Variants in MRTFB observed in about 807,000 individuals in gnomAD.
MRTFB encodes the protein myocardin-related transcription factor B.
A neutral mutation model predicts 104.2 loss-of-function variants in MRTFB; 29 were observed. The observed-to-expected ratio is 0.28, with a 90% CI of 0.21 to 0.38. The LOEUF (loss-of-function observed/expected upper bound fraction) is 0.38. Among genes scored for constraint, MRTFB ranks in the 10% least tolerant of loss-of-function variants. MRTFB has a pLI of 1.00. For missense variants in MRTFB, 1,270 were observed against 1,341.6 expected (o/e 0.95, Z 0.83); for synonymous variants, 535 against 519.5 (o/e 1.03, Z -0.41).
At chr16:14,183,207 G>C (rs2039827042) in intron 3 of MRTFB, among the ~76,000 whole-genome samples, 1 of 151,986 alleles carries the variant, frequency 6.6e-6, no homozygotes, top group South Asian at 2.1e-4. Context: ...ATTATTTCTG[G>C]GGTATTCCTG....
chr16:14,238,687 T>C (rs2042631754), intron 9 of MRTFB, among the ~76,000 whole-genome samples: 1 of 152,158 alleles, frequency 6.6e-6, no homozygotes, highest in African/African-American at 2.4e-5. Context: ...ACTAAAGTTA[T>C]GTTGAAGAAA....
intron 3 of MRTFB, among the ~76,000 whole-genome samples, chr16:14,209,460 T>A (rs1451052378): frequency 2.0e-5 from 3 of 152,214 alleles, no homozygotes; most frequent in African/African-American, 7.2e-5. Flanking sequence ...ACCTCCTGTA[T>A]TCCCCTTATT....
chr16:14,178,750 G>T (rs1304536982), intron 3 of MRTFB, among the ~76,000 whole-genome samples: 1 of 151,814 alleles, frequency 6.6e-6, no homozygotes, highest in Non-Finnish European at 1.5e-5. Context: ...GGTTTTTTTT[G>T]TTTGTTTTTT....
intron 3 of MRTFB, chr16:14,186,906 C>G (rs770674016): frequency 6.3e-7 from 1 of 1,598,176 alleles, no homozygotes; most frequent in South Asian, 1.1e-5. Context: ...TCTTCAGAAG[C>G]CTCTCACCAT....
At chr16:14,245,065 C>T (rs2042953534) in intron 10 of MRTFB, among the ~76,000 whole-genome samples, 1 of 152,184 alleles carries the variant, frequency 6.6e-6, no homozygotes, top group South Asian at 2.1e-4. Context: ...TAGCATGGCA[C>T]CATTGAAGTC....
the MRTFB span, among the ~76,000 whole-genome samples, chr16:13,998,742 C>A: frequency 1.6e-4 from 24 of 150,976 alleles, no homozygotes; most frequent in East Asian, 4.3e-3. Flanking sequence ...GGAGGAGGAA[C>A]AAGGAGAAGG....
At chr16:14,060,218 G>A in the MRTFB span, among the ~76,000 whole-genome samples, 1 of 151,824 alleles carries the variant, frequency 6.6e-6, no homozygotes, top group Non-Finnish European at 1.5e-5. Context: ...TGTTGGCCAG[G>A]CTGGTCTCGA....
chr16:14,260,959 C>T lies in MRTFB; in HGVS notation c.2815C>T (p.Pro939Ser). 1 of 1,613,956 alleles carries T rather than the reference C, an allele frequency of 6.2e-7. No individual in the cohort carries two copies. Among genetic ancestry groups the T allele is most frequent in the Non-Finnish European group, 8.5e-7 (1 of 1,179,906 alleles). Residue 939 changes from proline to serine, a missense_variant, in exon 17 of 17, where the codon CCA becomes TCA. Around this residue, in one of 3 missense-constraint regions of MRTFB, gnomAD observed 1,144 missense variants for 1,131.5 expected, o/e 1.01. Coordinates refer to ENST00000571589, the MANE Select transcript of MRTFB (RefSeq NM_001308142.2). ...EEPSPISKMR[P>S]VTASITTMPV... ...ACCTTCTCCTATTTCCAAAATGAGA[C>T]CAGTGACAGCCAGCATCACCACAAT... is the stretch of plus-strand genomic sequence containing the variant.
intron 2 of MRTFB, among the ~76,000 whole-genome samples, chr16:14,118,862 G>A (rs78135819): frequency 0.026 from 4,025 of 152,010 alleles, 187 homozygotes; most frequent in African/African-American, 0.092. Context: ...ATATATTTCT[G>A]TGGCTTGCTT....
chr16:14,245,442 C>A, intron 10 of MRTFB, 86 bp from the exon 11 acceptor site: 2 of 1,193,812 alleles, frequency 1.7e-6, no homozygotes, highest in Non-Finnish European at 1.2e-6. Flanking sequence ...TTTTTCTCTT[C>A]ATAAGTTAGT....
intron 12 of MRTFB, 53 bp downstream of exon 12, chr16:14,247,560 ACC>A: frequency 6.8e-7 from 1 of 1,477,282 alleles, no homozygotes; most frequent in Non-Finnish European, 9.0e-7. Flanking sequence ...TGGAATGCAA[ACC>A]CTGCTAAGGA....
At chr16:14,129,772 A>T (rs1222630860) in intron 2 of MRTFB, among the ~76,000 whole-genome samples, 1 of 152,198 alleles carries the variant, frequency 6.6e-6, no homozygotes, top group Non-Finnish European at 1.5e-5. Flanking sequence ...ATAACTGATT[A>T]TATTGAACAT....
intron 2 of MRTFB, among the ~76,000 whole-genome samples, chr16:14,117,339 C>T (rs1230520849): frequency 6.6e-6 from 1 of 152,266 alleles, no homozygotes; most frequent in African/African-American, 2.4e-5. Flanking sequence ...CCTCTCTGTC[C>T]AGAAGGCCCT....
intron 8 of MRTFB, among the ~76,000 whole-genome samples, chr16:14,231,421 G>T (rs997048823): frequency 6.6e-6 from 1 of 151,046 alleles, no homozygotes; most frequent in Non-Finnish European, 1.5e-5. Context: ...AGGTACTTGT[G>T]CAGGTGTGTT....
chr16:14,167,795 C>G (rs1263847023), intron 3 of MRTFB, among the ~76,000 whole-genome samples: 2 of 152,106 alleles, frequency 1.3e-5, no homozygotes, highest in South Asian at 2.1e-4. Context: ...AGGTTCATGC[C>G]ACTCTCCTGC....
chr16:14,225,186 TAAAAAGA>T (rs1304322817), intron 8 of MRTFB, among the ~76,000 whole-genome samples: 1 of 152,096 alleles, frequency 6.6e-6, no homozygotes, highest in Non-Finnish European at 1.5e-5. Context: ...AATTCTCATC[TAAAAAGA>T]AAAAAGAAAA....
At chr16:14,203,492 A>G (rs902084287) in intron 3 of MRTFB, among the ~76,000 whole-genome samples, 1 of 152,160 alleles carries the variant, frequency 6.6e-6, no homozygotes, top group Admixed American at 6.6e-5. Flanking sequence ...GCTGCATACA[A>G]TGTGTTGTTT....
At chr16:14,117,525 A>G (rs530718948) in intron 2 of MRTFB, among the ~76,000 whole-genome samples, 28 of 152,356 alleles carry the variant, frequency 1.8e-4, no homozygotes, top group African/African-American at 5.8e-4. Context: ...ACTAAGTTCA[A>G]TGGAGAAAGG....
chr16:14,004,180 T>A, the MRTFB span, among the ~76,000 whole-genome samples: 1 of 152,110 alleles, frequency 6.6e-6, no homozygotes, highest in Non-Finnish European at 1.5e-5. Flanking sequence ...CTGTAGGACC[T>A]TCATCCAGTG....
Sources: gnomAD v4.1 joint callset for allele counts (sites outside exome capture counted in the v4.1 genomes callset) on GRCh38, gnomAD v4.1.1 for gene constraint, gnomAD v4.1.1 regional missense constraint, MANE v1.5 for transcripts, NCBI Gene and HGNC (gene_info 2026-07-23, HGNC 2026-07-21) for gene names.